The following SGCD variants were observed in gnomAD, a reference collection of about 807,000 sequenced individuals.
SGCD encodes the protein sarcoglycan delta.
In SGCD, 18 loss-of-function variants were observed where a neutral mutation model predicts 36.6. The ratio of observed to expected loss-of-function variants is 0.49; its 90% CI spans 0.34 to 0.73. The LOEUF is 0.73. SGCD is among the 30% of genes least tolerant of loss of function. The probability of loss-of-function intolerance (pLI) is 0.01; values close to 1 mark genes in which losing one functional copy is unlikely to be tolerated. For synonymous variants in SGCD, 133 were observed against 130.6 expected (o/e 1.02, Z -0.12); for missense variants, 387 against 346.7 (o/e 1.12, Z -0.92).
intron 2 of SGCD, among the ~76,000 whole-genome samples, chr5:156,339,541 C>G (rs1352595455): frequency 1.3e-5 from 2 of 152,080 alleles, no homozygotes; most frequent in Admixed American, 1.3e-4. Context: ...ATTCATTGAA[C>G]AAATGTTTTG....
chr5:156,496,498 G>T (rs1756195421), intron 3 of SGCD, among the ~76,000 whole-genome samples: 6 of 152,106 alleles, frequency 3.9e-5, no homozygotes, highest in Admixed American at 3.9e-4. Flanking sequence ...AGGTGTAATT[G>T]TGATTCTTTT....
intron 1 of SGCD, among the ~76,000 whole-genome samples, chr5:155,915,991 TA>T (rs1756726643): frequency 6.6e-6 from 1 of 152,166 alleles, no homozygotes; most frequent in Non-Finnish European, 1.5e-5. Context: ...CATAGATATG[TA>T]GGAGAAAAAT....
At chr5:156,211,286 T>C (rs2127640964) in intron 3 of SGCD, among the ~76,000 whole-genome samples, 1 of 152,102 alleles carries the variant, frequency 6.6e-6, no homozygotes, top group East Asian at 1.9e-4. Flanking sequence ...AACAGACCAG[T>C]CTTAGAAGAA....
chr5:156,468,550 A>T (rs905757716), intron 3 of SGCD, among the ~76,000 whole-genome samples: 1 of 152,194 alleles, frequency 6.6e-6, no homozygotes, highest in Non-Finnish European at 1.5e-5. Context: ...AACAAGTGCT[A>T]AAACTGTGGG....
chr5:155,951,970 C>T (rs1757557190), intron 1 of SGCD, among the ~76,000 whole-genome samples: 1 of 152,174 alleles, frequency 6.6e-6, no homozygotes, highest in Non-Finnish European at 1.5e-5. Flanking sequence ...GATTCTCAGC[C>T]TCACCCTGGT....
intron 7 of SGCD, among the ~76,000 whole-genome samples, chr5:156,753,447 T>G (rs1757224576): frequency 6.6e-6 from 1 of 152,230 alleles, no homozygotes; most frequent in African/African-American, 2.4e-5. Context: ...TTGTGGTCAT[T>G]AATTTATGGG....
chr5:156,219,098 T>G (rs1581175458), intron 3 of SGCD, among the ~76,000 whole-genome samples: 1 of 152,352 alleles, frequency 6.6e-6, no homozygotes, highest in East Asian at 1.9e-4. Flanking sequence ...TGTATTTTTT[T>G]GTACCGCTAC....
At chr5:155,908,003 C>A (rs560250269) in intron 1 of SGCD, among the ~76,000 whole-genome samples, 2 of 152,254 alleles carry the variant, frequency 1.3e-5, no homozygotes, top group East Asian at 3.9e-4. Flanking sequence ...CAACACTGAG[C>A]AATTACCACT....
upstream of SGCD, among the ~76,000 whole-genome samples, chr5:156,322,021 T>C (rs146642645): frequency 4.6e-5 from 7 of 152,300 alleles, no homozygotes; most frequent in East Asian, 1.4e-3. Context: ...CCTCTCTGTA[T>C]GACCTTACTG....
At chr5:156,573,177 G>A (rs72801149) in intron 4 of SGCD, among the ~76,000 whole-genome samples, 3,128 of 152,166 alleles carry the variant, frequency 0.021, 50 homozygotes, top group Admixed American at 0.04. Flanking sequence ...AGCACATACT[G>A]TACTTCTTAA....
intron 1 of SGCD, among the ~76,000 whole-genome samples, chr5:155,886,886 G>A (rs1229869899): frequency 2.6e-5 from 4 of 152,168 alleles, no homozygotes; most frequent in African/African-American, 4.8e-5. Flanking sequence ...CCAAGTGAGC[G>A]CTGTGGTTCA....
intron 3 of SGCD, among the ~76,000 whole-genome samples, chr5:156,464,753 A>G (rs768347129): frequency 6.6e-6 from 1 of 152,150 alleles, no homozygotes; most frequent in Non-Finnish European, 1.5e-5. Context: ...TGGCTTGCAC[A>G]ATACACCACA....
At chr5:156,195,745 T>A (rs1764010392) in intron 3 of SGCD, among the ~76,000 whole-genome samples, 1 of 152,200 alleles carries the variant, frequency 6.6e-6, no homozygotes, top group African/African-American at 2.4e-5. Flanking sequence ...TGTTTGTGGT[T>A]CCCTGATAGG....
intron 6 of SGCD, among the ~76,000 whole-genome samples, chr5:156,619,055 T>C (rs1277087522): frequency 6.6e-6 from 1 of 150,780 alleles, no homozygotes; most frequent in Non-Finnish European, 1.5e-5. Flanking sequence ...AGACAGCGTA[T>C]CGCTCTGTTG....
intron 3 of SGCD, among the ~76,000 whole-genome samples, chr5:156,379,828 A>T (rs1770881518): frequency 6.6e-6 from 1 of 152,158 alleles, no homozygotes; most frequent in South Asian, 2.1e-4. Context: ...AAAAGGAGAA[A>T]TCCAGGATAA....
intron 4 of SGCD, among the ~76,000 whole-genome samples, chr5:156,586,267 G>A (rs1278046020): frequency 1.3e-5 from 2 of 152,006 alleles, no homozygotes; most frequent in Non-Finnish European, 2.9e-5. Context: ...CTATTTCCTC[G>A]TGTTTAGATG....
chr5:156,555,096 G>A lies in SGCD; in HGVS notation c.295-34135G>A, dbSNP rs531555895. On this transcript the variant is annotated intron_variant, in intron 4 of 8. Coordinates refer to ENST00000337851, the MANE Select transcript of SGCD (RefSeq NM_000337.6). ...TAATTGGTTGTCATTTTATTGTTCA[G>A]TTGTGATAAGTTTGTATATATTTTG... Among the ~76,000 whole-genome samples, 5 of 152,118 alleles carry A rather than the reference G, an allele frequency of 3.3e-5. 1 individual carries two copies. Among genetic ancestry groups the A allele is most frequent in the East Asian group, 1.9e-4 (1 of 5,180 alleles).
chr5:156,072,282 C>T (rs943921607), intron 1 of SGCD, among the ~76,000 whole-genome samples: 9 of 152,026 alleles, frequency 5.9e-5, no homozygotes, highest in African/African-American at 2.2e-4. Flanking sequence ...TTGTTCCTTT[C>T]CATGTTTAGT....
intron 1 of SGCD, among the ~76,000 whole-genome samples, chr5:156,018,989 G>A (rs1759043741): frequency 6.6e-6 from 1 of 152,118 alleles, no homozygotes; most frequent in Non-Finnish European, 1.5e-5. Flanking sequence ...AAATCTGTCA[G>A]TCAGGGAAAT....
Sources: allele counts gnomAD v4.1 joint callset (sites outside exome capture counted in the v4.1 genomes callset), GRCh38; gene constraint gnomAD v4.1.1; transcripts MANE v1.5; gene names NCBI Gene and HGNC (gene_info 2026-07-23, HGNC 2026-07-21).